NRXN1: variants seen among roughly 807,000 people sequenced by gnomAD.
The protein encoded by NRXN1 is neurexin 1.
A neutral mutation model predicts 150.9 loss-of-function variants in NRXN1; 39 were observed. The ratio of observed to expected loss-of-function variants is 0.26; its 90% CI spans 0.20 to 0.34. The LOEUF (loss-of-function observed/expected upper bound fraction) is 0.34, where lower values mean the gene tolerates loss of function less well. Among genes scored for constraint, NRXN1 ranks in the 10% least tolerant of loss-of-function variants. The pLI, the probability that NRXN1 is intolerant of heterozygous loss-of-function variation, is 1.00. For synonymous variants in NRXN1, 924 were observed against 757.0 expected (o/e 1.22, Z -3.62); for missense variants, 1,815 against 1,949.9 (o/e 0.93, Z 1.30).
chr2:50,497,777 T>C, intron 13 of NRXN1, 63 bp from the exon 14 acceptor site: 1 of 1,450,588 alleles, frequency 6.9e-7, no homozygotes, highest in Admixed American at 2.1e-5. Context: ...ACTTTAGGCT[T>C]TCATAACAAT....
At chr2:50,295,932 A>G (rs980171273) in intron 17 of NRXN1, among the ~76,000 whole-genome samples, 2 of 152,224 alleles carry the variant, frequency 1.3e-5, no homozygotes, top group African/African-American at 4.8e-5. Context: ...TAATTTCCCT[A>G]GAATTCACCC....
In NRXN1 at chr2:50,939,512, T is replaced by C. The variant is rs372700158; in HGVS notation, c.773-13557A>G. Among the ~76,000 whole-genome samples, 534 of 152,230 alleles carry C rather than the reference T, an allele frequency of 3.5e-3. 4 individuals are homozygous for C. The highest frequency in any genetic ancestry group is 6.2e-3 in the Non-Finnish European group (424 of 68,008). Reference sequence around the variant, plus strand: ...TTTTTATTGGATAGGATGCAAATATTGAACACAATTAGATTACTGACATTT... The same window carrying C: ...TTTTTATTGGATAGGATGCAAATATCGAACACAATTAGATTACTGACATTT... On this transcript the variant is annotated intron_variant, in intron 2 of 22. Coordinates refer to ENST00000401669, the MANE Select transcript of NRXN1 (RefSeq NM_001330078.2).
chr2:50,362,883 C>T (rs1274248841), intron 17 of NRXN1, among the ~76,000 whole-genome samples: 2 of 152,076 alleles, frequency 1.3e-5, no homozygotes, highest in Admixed American at 6.6e-5. Context: ...GTACTGGTAC[C>T]AAAACAGATA....
At chr2:50,682,695 T>G (rs1156396250) in intron 5 of NRXN1, among the ~76,000 whole-genome samples, 1 of 152,140 alleles carries the variant, frequency 6.6e-6, no homozygotes, top group South Asian at 2.1e-4. Flanking sequence ...TGATACAGAT[T>G]GCAATTTTTA....
At chr2:50,746,690 T>C (rs1476761067) in intron 5 of NRXN1, among the ~76,000 whole-genome samples, 2 of 152,186 alleles carry the variant, frequency 1.3e-5, no homozygotes, top group East Asian at 1.9e-4. Flanking sequence ...TTTCTTTTCA[T>C]TGGCCACTGG....
intron 5 of NRXN1, among the ~76,000 whole-genome samples, chr2:50,886,528 G>A (rs755724025): frequency 6.6e-6 from 1 of 151,426 alleles, no homozygotes; most frequent in Admixed American, 6.6e-5. Flanking sequence ...CATAAGATTT[G>A]AGATGTAGAA....
At chr2:49,938,914 A>G (rs1287687887) in intron 22 of NRXN1, among the ~76,000 whole-genome samples, 1 of 152,202 alleles carries the variant, frequency 6.6e-6, no homozygotes, top group Non-Finnish European at 1.5e-5. Context: ...ACTAAGAGAT[A>G]CTGACATGAT....
At chr2:50,048,594 C>CA (rs1300229866) in intron 21 of NRXN1, among the ~76,000 whole-genome samples, 3 of 152,112 alleles carry the variant, frequency 2.0e-5, no homozygotes, top group African/African-American at 7.2e-5. Context: ...AGCCTCCAAG[C>CA]AAGCAACAGA....
chr2:50,387,417 C>T (rs2081397472), intron 17 of NRXN1, among the ~76,000 whole-genome samples: 1 of 152,176 alleles, frequency 6.6e-6, no homozygotes, highest in Non-Finnish European at 1.5e-5. Context: ...CACTGGGACA[C>T]TGTTCTCAGT....
chr2:50,983,668 A>C (rs1697199639), intron 2 of NRXN1, among the ~76,000 whole-genome samples: 1 of 152,136 alleles, frequency 6.6e-6, no homozygotes, highest in African/African-American at 2.4e-5. Flanking sequence ...ATAATAGTGA[A>C]AATGTTTGTA....
intron 18 of NRXN1, among the ~76,000 whole-genome samples, chr2:50,095,060 G>A (rs560285113): frequency 6.6e-6 from 1 of 152,292 alleles, no homozygotes; most frequent in East Asian, 1.9e-4. Flanking sequence ...ATAAGAGAGG[G>A]AGAGGAATAG....
rs545427287 is a variant in NRXN1, at chr2:50,666,970, A to G, written c.833-43355T>C. 2.9e-4 allele frequency among the ~76,000 whole-genome samples: 44 copies of G among 151,968 alleles called. 1 individual carries two copies. Among genetic ancestry groups the G allele is most frequent in the Admixed American group, 1.3e-3 (20 of 15,228 alleles). ...TAGAGAACACACGCATGGCGTGGTG[A>G]GAGTATATAAAAGAGAAATCCAGTG... On this transcript the variant is annotated intron_variant, in intron 5 of 22. Transcript: ENST00000401669.
intron 2 of NRXN1, among the ~76,000 whole-genome samples, chr2:50,967,748 G>A (rs142498567): frequency 9.0e-4 from 137 of 151,990 alleles, no homozygotes; most frequent in Non-Finnish European, 1.8e-3. Flanking sequence ...TTTTACCTCT[G>A]TGCATTTTGC....
chr2:49,964,777 G>T (rs1404285312), intron 21 of NRXN1, among the ~76,000 whole-genome samples: 1 of 152,164 alleles, frequency 6.6e-6, no homozygotes, highest in East Asian at 1.9e-4. Flanking sequence ...GGAGGTGGAG[G>T]TTGCAGTGAA....
At position 50,954,047 on chromosome 2, in the gene NRXN1, A is replaced by T. The variant is rs560843844; in HGVS notation, c.773-28092T>A. On this transcript the variant is annotated intron_variant, in intron 2 of 22. Transcript: ENST00000401669. Reference sequence around the variant, plus strand: ...CCCACCCTCCTAAATAAATGCACATAAAAGCACACACCCTTTTTAATGGTA... The same window carrying T: ...CCCACCCTCCTAAATAAATGCACATTAAAGCACACACCCTTTTTAATGGTA... Among the ~76,000 whole-genome samples the T allele has an allele frequency of 2.0e-5, 3 of 152,316 alleles. No homozygotes were observed. The East Asian group carries it at 5.8e-4, about 29-fold the overall frequency.
chr2:50,008,789 C>T (rs575837173), intron 21 of NRXN1, among the ~76,000 whole-genome samples: 1 of 152,098 alleles, frequency 6.6e-6, no homozygotes, highest in Non-Finnish European at 1.5e-5. Flanking sequence ...TTCTGATCTG[C>T]TAATTCTACA....
At chr2:50,610,795 CA>C (rs1022884354) in intron 8 of NRXN1, among the ~76,000 whole-genome samples, 13 of 144,710 alleles carry the variant, frequency 9.0e-5, no homozygotes, top group Admixed American at 8.5e-4. Flanking sequence ...CACACACATA[CA>C]TTTATATATA....
intron 21 of NRXN1, among the ~76,000 whole-genome samples, chr2:50,009,088 T>C (rs999148196): frequency 1.3e-5 from 2 of 152,152 alleles, no homozygotes; most frequent in African/African-American, 4.8e-5. Context: ...AACTAAGAAA[T>C]TGCTGAAAGC....
At chr2:50,495,412 T>G (rs1449646547) in intron 15 of NRXN1, among the ~76,000 whole-genome samples, 1 of 113,846 alleles carries the variant, frequency 8.8e-6, no homozygotes, top group African/African-American at 3.4e-5. Flanking sequence ...TGTGTGTGTG[T>G]GTGTGTGTTG....
Sources: allele counts gnomAD v4.1 joint callset (sites outside exome capture counted in the v4.1 genomes callset), GRCh38; gene constraint gnomAD v4.1.1; transcripts MANE v1.5; gene names NCBI Gene and HGNC (gene_info 2026-07-23, HGNC 2026-07-21).